RBKS: variants seen among roughly 807,000 people sequenced by gnomAD.
RBKS encodes the protein ribokinase.
Under a neutral mutation model 33.9 loss-of-function variants are expected in RBKS, and 33 were observed. That is an observed-to-expected ratio of 0.97 (90% CI 0.74 to 1.30). The LOEUF is 1.30. Ranked by LOEUF, RBKS falls within the 50% of genes most tolerant of loss-of-function variation. The pLI is 0.00. For synonymous variants in RBKS, 125 were observed against 143.0 expected (o/e 0.87, Z 0.90); for missense variants, 361 against 392.6 (o/e 0.92, Z 0.68).
chr2:27,798,209 C>T (rs1677697351), intron 7 of RBKS, among the ~76,000 whole-genome samples: 1 of 152,086 alleles, frequency 6.6e-6, no homozygotes, highest in South Asian at 2.1e-4. Flanking sequence ...TGTAGCCATA[C>T]AGTTTCAGCT....
intron 7 of RBKS, among the ~76,000 whole-genome samples, chr2:27,794,326 T>C (rs1187946229): frequency 6.8e-6 from 1 of 147,080 alleles, no homozygotes; most frequent in Non-Finnish European, 1.5e-5. Context: ...ATAATAATAA[T>C]AATAATAATA....
At chr2:27,846,020 A>G (rs1230072260) in intron 4 of RBKS, among the ~76,000 whole-genome samples, 1 of 151,354 alleles carries the variant, frequency 6.6e-6, no homozygotes, top group Non-Finnish European at 1.5e-5. Flanking sequence ...GCTGGAGTGT[A>G]GTCACCCAAT....
chr2:27,824,513 G>A (rs1192108773), intron 7 of RBKS, among the ~76,000 whole-genome samples: 1 of 152,122 alleles, frequency 6.6e-6, no homozygotes, highest in Non-Finnish European at 1.5e-5. Flanking sequence ...CTTTCACTTA[G>A]CATAATGCTT....
At chr2:27,829,830 G>A (rs1440079270) in intron 6 of RBKS, among the ~76,000 whole-genome samples, 2 of 152,198 alleles carry the variant, frequency 1.3e-5, no homozygotes, top group African/African-American at 4.8e-5. Context: ...GTCAGAGGCT[G>A]TGTCTCTGTC....
intron 1 of RBKS, among the ~76,000 whole-genome samples, chr2:27,871,922 CTTAGATCATCAGGCG>C (rs1664219693): frequency 1.3e-5 from 2 of 152,224 alleles, no homozygotes; most frequent in South Asian, 4.1e-4. Context: ...TCAGCTCCAC[CTTAGATCATCAGGCG>C]TTAGATTCTC....
chr2:27,890,052 T>C lies in RBKS; in HGVS notation c.89+205A>G, dbSNP rs1664688790. 3.7e-6 allele frequency: 2 copies of C among 540,914 alleles called. No individual in the cohort carries two copies. The highest frequency in any genetic ancestry group is 6.2e-5 in the East Asian group (2 of 32,312). The allele number at this position is 540,914 out of a possible 1,614,324, so 33.5% of individuals were successfully genotyped here. A position where few individuals can be genotyped will look rare whatever the true frequency, so the allele number is the denominator to read the frequency against. On this transcript the variant is annotated intron_variant, in intron 1 of 7. Transcript: ENST00000302188. The surrounding 1 kb of genome is among the most constrained non-coding windows in gnomAD (Gnocchi z 4.8). ...TTTCACTAAACCCTGGCCTATTACG[T>C]CCCCTCCCCTGAGATTTACCTTTAT...
At chr2:27,883,104 A>C (rs1226700354) in intron 1 of RBKS, among the ~76,000 whole-genome samples, 2 of 152,252 alleles carry the variant, frequency 1.3e-5, no homozygotes, top group Admixed American at 6.5e-5. Flanking sequence ...AAAAGTGAAA[A>C]AAGATAAATC....
chr2:27,818,082 C>T (rs972251263), intron 7 of RBKS, among the ~76,000 whole-genome samples: 4 of 152,086 alleles, frequency 2.6e-5, no homozygotes, highest in African/African-American at 9.7e-5. Context: ...AAGAGAATAT[C>T]CATTCTGCTT....
intron 1 of RBKS, among the ~76,000 whole-genome samples, chr2:27,869,508 C>T (rs1000355318): frequency 2.0e-5 from 3 of 152,152 alleles, no homozygotes; most frequent in African/African-American, 4.8e-5. Flanking sequence ...CTTACCTGTG[C>T]TCTACAGCAG....
At chr2:27,791,637 C>CAT (rs752660195) in intron 7 of RBKS, among the ~76,000 whole-genome samples, 8 of 147,752 alleles carry the variant, frequency 5.4e-5, no homozygotes, top group Non-Finnish European at 1.0e-4. Flanking sequence ...CACACACACA[C>CAT]ACACACTAAA....
chr2:27,877,771 C>A (rs970806796), intron 1 of RBKS, among the ~76,000 whole-genome samples: 4 of 152,204 alleles, frequency 2.6e-5, no homozygotes, highest in Non-Finnish European at 5.9e-5. Context: ...ACTATTTTAG[C>A]CCCTAAATAT....
chr2:27,848,838 C>CTA (rs1298602502), intron 2 of RBKS, among the ~76,000 whole-genome samples: 2 of 95,484 alleles, frequency 2.1e-5, no homozygotes, highest in African/African-American at 8.2e-5. Flanking sequence ...GAGACTGTCT[C>CTA]AAAAAAAAAA....
intron 7 of RBKS, among the ~76,000 whole-genome samples, chr2:27,787,842 A>T (rs937373069): frequency 6.6e-6 from 1 of 152,208 alleles, no homozygotes; most frequent in African/African-American, 2.4e-5. Flanking sequence ...TTAACTTTTT[A>T]AAGCAAATTA....
chr2:27,810,681 C>CT lies in RBKS; in HGVS notation c.795+16885dup, dbSNP rs34306043. ...CTTAGTTATCGCCCCACTGCCCCCA[C>CT]TTTTTTTAAGGAAATGAACTATCTT... On this transcript the variant is annotated intron_variant, in intron 7 of 7. Coordinates refer to ENST00000302188, the MANE Select transcript of RBKS (RefSeq NM_022128.3). This position sits in a 1 kb window ranked among gnomAD's most constrained non-coding sequence, Gnocchi z 4.4. 3.3e-5 allele frequency among the ~76,000 whole-genome samples: 5 copies of CT among 152,074 alleles called. No individual in the cohort carries two copies. The highest frequency in any genetic ancestry group is 5.9e-5 in the Non-Finnish European group (4 of 68,022).
chr2:27,827,504 C>A (rs1678334530), intron 7 of RBKS, 63 bp downstream of exon 7: 3 of 1,406,378 alleles, frequency 2.1e-6, no homozygotes, highest in South Asian at 1.5e-5. Context: ...GGTACAGCAT[C>A]TAATTAGTTA....
At chr2:27,854,171 C>CA (rs1476882164) in intron 2 of RBKS, among the ~76,000 whole-genome samples, 1 of 151,928 alleles carries the variant, frequency 6.6e-6, no homozygotes, top group Non-Finnish European at 1.5e-5. Flanking sequence ...GAGATGAAAA[C>CA]AAAAAAGAGT....
intron 7 of RBKS, chr2:27,782,465 G>A (rs1677306923): frequency 3.5e-6 from 1 of 289,152 alleles, no homozygotes; most frequent in African/African-American, 2.2e-5. Context: ...TTACAGGTGT[G>A]AGCCACTGCA....
At chr2:27,839,002 G>C (rs1021384152) in intron 5 of RBKS, among the ~76,000 whole-genome samples, 1 of 152,196 alleles carries the variant, frequency 6.6e-6, no homozygotes, top group African/African-American at 2.4e-5. Flanking sequence ...GGGCTGGACA[G>C]TTAGGAAGGC....
chr2:27,843,726 A>T lies in RBKS; in HGVS notation c.350-495T>A, dbSNP rs78022937. 5.1e-3 allele frequency among the ~76,000 whole-genome samples: 783 copies of T among 152,380 alleles called. 6 individuals are homozygous for T. Among genetic ancestry groups the T allele is most frequent in the African/African-American group, 0.018 (739 of 41,586 alleles). On this transcript the variant is annotated intron_variant, in intron 4 of 7. Coordinates refer to ENST00000302188, the MANE Select transcript of RBKS (RefSeq NM_022128.3). ...AACACATTTTAAATATCTAACAGAT[A>T]GAAAATTGTATCAGATATAGAGGAG...
Sources: allele counts gnomAD v4.1 joint callset (sites outside exome capture counted in the v4.1 genomes callset), GRCh38; gene constraint gnomAD v4.1.1; non-coding constraint Gnocchi (gnomAD v3.1); transcripts MANE v1.5; gene names NCBI Gene and HGNC (gene_info 2026-07-23, HGNC 2026-07-21).